The following DGKB variants were observed in gnomAD, a reference collection of about 807,000 sequenced individuals.
DGKB encodes the protein 90 kDa diacylglycerol kinase.
DGKB carries 67 observed loss-of-function variants against 114.3 expected under a neutral mutation model. The ratio of observed to expected loss-of-function variants is 0.59; its 90% CI spans 0.48 to 0.72. The LOEUF (loss-of-function observed/expected upper bound fraction) is 0.72, where lower values mean the gene tolerates loss of function less well. DGKB is among the 30% of genes least tolerant of loss of function. The pLI is 0.00. For missense variants in DGKB, 907 were observed against 975.2 expected (o/e 0.93, Z 0.93); for synonymous variants, 398 against 323.1 (o/e 1.23, Z -2.49).
intron 23 of DGKB, among the ~76,000 whole-genome samples, chr7:14,230,645 A>T (rs1176806377): frequency 4.6e-5 from 7 of 152,082 alleles, no homozygotes; most frequent in Non-Finnish European, 8.8e-5. Flanking sequence ...AGATTCAAAC[A>T]TACTTTAAAA....
intron 21 of DGKB, among the ~76,000 whole-genome samples, chr7:14,436,065 T>C (rs946892314): frequency 1.3e-5 from 2 of 152,118 alleles, no homozygotes; most frequent in Admixed American, 1.3e-4. Flanking sequence ...GTTGGCATAT[T>C]AACTTAGATA....
chr7:14,773,009 C>T (rs542469657), intron 2 of DGKB, among the ~76,000 whole-genome samples: 5 of 152,262 alleles, frequency 3.3e-5, no homozygotes, highest in South Asian at 4.1e-4. Context: ...CATGCCTTGT[C>T]TCCTATGTTG....
chr7:14,769,446 A>G (rs1280512185), intron 2 of DGKB, among the ~76,000 whole-genome samples: 1 of 151,986 alleles, frequency 6.6e-6, no homozygotes, highest in East Asian at 1.9e-4. Flanking sequence ...CGATGTGCTT[A>G]TATTACAAAG....
chr7:14,774,908 T>G (rs1352794614), intron 2 of DGKB, among the ~76,000 whole-genome samples: 1 of 152,190 alleles, frequency 6.6e-6, no homozygotes, highest in Non-Finnish European at 1.5e-5. Flanking sequence ...TCTTTGCTAT[T>G]AAGCTGAAGT....
intron 20 of DGKB, among the ~76,000 whole-genome samples, chr7:14,485,292 GCT>G (rs1424247172): frequency 7.1e-6 from 1 of 140,142 alleles, no homozygotes; most frequent in South Asian, 2.5e-4. Context: ...TAGAACTAAT[GCT>G]CATGAGGTGT....
At chr7:14,331,395 C>T (rs773217426) in intron 23 of DGKB, among the ~76,000 whole-genome samples, 2 of 151,834 alleles carry the variant, frequency 1.3e-5, no homozygotes, top group South Asian at 2.1e-4. Context: ...TTCTGCTTGC[C>T]GGTGTTTGAA....
At chr7:14,452,760 G>A (rs1357883233) in intron 21 of DGKB, among the ~76,000 whole-genome samples, 1 of 152,040 alleles carries the variant, frequency 6.6e-6, no homozygotes, top group Non-Finnish European at 1.5e-5. Context: ...TACCTTCTGA[G>A]AAATGCATTG....
intron 20 of DGKB, among the ~76,000 whole-genome samples, chr7:14,509,884 T>G (rs1787718059): frequency 6.6e-6 from 1 of 152,104 alleles, no homozygotes; most frequent in Non-Finnish European, 1.5e-5. Context: ...CAAATAAAAG[T>G]TATAATCACT....
chr7:14,694,176 C>T lies in DGKB; in HGVS notation c.610G>A (p.Glu204Lys). Residue 204 changes from glutamate to lysine, a missense_variant, in exon 9 of 26, where the codon GAA (glutamate) becomes AAA (lysine). Around this residue, in one of 3 missense-constraint regions of DGKB, gnomAD observed 814 missense variants for 856.6 expected, o/e 0.95. Coordinates refer to ENST00000402815, the MANE Select transcript of DGKB (RefSeq NM_001350709.2). Reference sequence around the variant, plus strand: ...CCATCATGATCATAGTCAATTTCTTCCATCATTTCATGGAGGATCTGGAGT... The same window carrying T: ...CCATCATGATCATAGTCAATTTCTTTCATCATTTCATGGAGGATCTGGAGT... The part of the protein sequence containing the change: ...ELNPILHEMM[E>K]EIDYDHDGTV... The T allele has an allele frequency of 6.3e-7, 1 of 1,575,294 alleles. No individual in the cohort carries two copies. The highest frequency in any genetic ancestry group is 8.6e-7 in the Non-Finnish European group (1 of 1,158,664).
At chr7:14,150,987 C>A (rs1336451986) in intron 25 of DGKB, among the ~76,000 whole-genome samples, 1 of 151,954 alleles carries the variant, frequency 6.6e-6, no homozygotes, top group Admixed American at 6.6e-5. Context: ...ATAAATTGAA[C>A]AAGCACATTG....
At chr7:14,378,487 G>T (rs1818854119) in intron 21 of DGKB, among the ~76,000 whole-genome samples, 1 of 152,126 alleles carries the variant, frequency 6.6e-6, no homozygotes, top group South Asian at 2.1e-4. Flanking sequence ...TAAATCTAAA[G>T]TTATTCCAAA....
chr7:14,306,459 A>T (rs1271562689), intron 23 of DGKB, among the ~76,000 whole-genome samples: 1 of 152,088 alleles, frequency 6.6e-6, no homozygotes, highest in African/African-American at 2.4e-5. Context: ...GTCAATATTA[A>T]TAACAATAAA....
intron 16 of DGKB, among the ~76,000 whole-genome samples, chr7:14,612,185 A>ATTTTATTTTAT (rs377174515): frequency 1.3e-5 from 2 of 149,710 alleles, no homozygotes; most frequent in Non-Finnish European, 1.5e-5. Flanking sequence ...ATTTTATTTT[A>ATTTTATTTTAT]TTTATTTGAG....
intron 23 of DGKB, among the ~76,000 whole-genome samples, chr7:14,300,907 T>A (rs1281727081): frequency 6.6e-6 from 1 of 152,102 alleles, no homozygotes; most frequent in African/African-American, 2.4e-5. Context: ...AGACATTGGT[T>A]TATCAGTCAA....
At position 14,495,612 on chromosome 7, in the gene DGKB, G is replaced by T. The variant is rs146654210; in HGVS notation, c.1771-17387C>A. Reference sequence around the variant, plus strand: ...CTTCATTTATTCTACTATCTGGTATGAGTTTTATTTCACATATAAGGAGTC... The same window carrying T: ...CTTCATTTATTCTACTATCTGGTATTAGTTTTATTTCACATATAAGGAGTC... On this transcript the variant is annotated intron_variant, in intron 20 of 25. Coordinates refer to ENST00000402815, the MANE Select transcript of DGKB (RefSeq NM_001350709.2). Among the ~76,000 whole-genome samples, 1,483 of 151,796 alleles carry T rather than the reference G, an allele frequency of 9.8e-3. 22 individuals are homozygous for T. Among genetic ancestry groups the T allele is most frequent in the African/African-American group, 0.034 (1,411 of 41,470 alleles).
intron 2 of DGKB, among the ~76,000 whole-genome samples, chr7:14,805,256 C>T (rs1842654905): frequency 6.6e-6 from 1 of 151,082 alleles, no homozygotes; most frequent in South Asian, 2.1e-4. Flanking sequence ...TGAGTGATAG[C>T]CCAGAGAATT....
intron 21 of DGKB, among the ~76,000 whole-genome samples, chr7:14,371,668 C>G (rs1467492438): frequency 6.6e-6 from 1 of 152,194 alleles, no homozygotes; most frequent in African/African-American, 2.4e-5. Context: ...GGCAGAAGCT[C>G]TTTAGTTTAA....
chr7:14,884,237 G>A (rs758412190), intron 1 of DGKB, among the ~76,000 whole-genome samples: 11 of 151,836 alleles, frequency 7.2e-5, no homozygotes, highest in Non-Finnish European at 1.5e-4. Context: ...CCTTGTTCTA[G>A]GCAACACTGA....
At chr7:14,477,731 T>C (rs938095960) in intron 21 of DGKB, among the ~76,000 whole-genome samples, 1 of 152,152 alleles carries the variant, frequency 6.6e-6, no homozygotes, top group South Asian at 2.1e-4. Flanking sequence ...TTTCTTTTGA[T>C]TTAGTTTAGG....
Sources: gnomAD v4.1 joint callset for allele counts (sites outside exome capture counted in the v4.1 genomes callset) on GRCh38, gnomAD v4.1.1 for gene constraint, gnomAD v4.1.1 regional missense constraint, MANE v1.5 for transcripts, NCBI Gene and HGNC (gene_info 2026-07-23, HGNC 2026-07-21) for gene names.